Variants in ULK2 observed in about 807,000 individuals in gnomAD.
The protein encoded by ULK2 is serine/threonine-protein kinase ULK2.
In ULK2, 76 loss-of-function variants were observed where a neutral mutation model predicts 127.5. That is an observed-to-expected ratio of 0.60 (90% CI 0.50 to 0.72). ULK2 has a LOEUF of 0.72. Ranked by LOEUF, ULK2 falls within the 30% of genes least tolerant of loss-of-function variation. The pLI is 0.00. For missense variants in ULK2, 1,144 were observed against 1,295.9 expected (o/e 0.88, Z 1.80); for synonymous variants, 452 against 461.9 (o/e 0.98, Z 0.28).
chr17:19,801,381 T>C (rs2087393851), intron 16 of ULK2, among the ~76,000 whole-genome samples: 1 of 152,138 alleles, frequency 6.6e-6, no homozygotes, highest in Non-Finnish European at 1.5e-5. Flanking sequence ...GAGACCAGCC[T>C]GGGTAACATA....
intron 10 of ULK2, among the ~76,000 whole-genome samples, chr17:19,829,122 T>C (rs2041367855): frequency 6.6e-6 from 1 of 151,950 alleles, no homozygotes; most frequent in South Asian, 2.1e-4. Context: ...GACACAAATA[T>C]TTGAAAGCAA....
intron 20 of ULK2, among the ~76,000 whole-genome samples, 173 bp from the exon 21 acceptor site, chr17:19,786,259 T>C (rs2087029622): frequency 6.6e-6 from 1 of 152,130 alleles, no homozygotes; most frequent in Admixed American, 6.5e-5. Context: ...AATACAATAT[T>C]TTCATTAAAA....
In ULK2 at chr17:19,867,652, T is replaced by TGCCGCCG. The variant is rs2042384931; in HGVS notation, c.-242_-236dup. On this transcript the variant is annotated 5_prime_UTR_variant, in exon 1 of 27. Coordinates refer to ENST00000395544, the MANE Select transcript of ULK2 (RefSeq NM_014683.4). ...GGCCCCTGCCGCTCATGGCCCGGCC[T>TGCCGCCG]GCCGCCGGCCGCTGGCTGTCTGGCG... The TGCCGCCG allele has an allele frequency of 4.1e-6, 1 of 245,278 alleles. No homozygotes were observed. Among genetic ancestry groups the TGCCGCCG allele is most frequent in the Admixed American group, 5.6e-5 (1 of 17,914 alleles). 15.2% of individuals were successfully genotyped at this position (245,278 alleles called of 1,614,324 possible). A position where few individuals can be genotyped will look rare whatever the true frequency, so the allele number is the denominator to read the frequency against.
chr17:19,823,126 ATTTT>A (rs3884213), intron 12 of ULK2, among the ~76,000 whole-genome samples: 1 of 113,206 alleles, frequency 8.8e-6, no homozygotes, highest in East Asian at 2.7e-4. Flanking sequence ...ACGCCTGGCT[ATTTT>A]TTTTTTTTTT....
At chr17:19,848,789 A>C (rs190089464) in intron 5 of ULK2, among the ~76,000 whole-genome samples, 12 of 151,926 alleles carry the variant, frequency 7.9e-5, no homozygotes, top group Admixed American at 7.9e-4. Flanking sequence ...AAAAAAAAAA[A>C]GGAAAAAGAA....
At chr17:19,790,344 G>A (rs957326570) in intron 20 of ULK2, among the ~76,000 whole-genome samples, 1 of 152,192 alleles carries the variant, frequency 6.6e-6, no homozygotes, top group African/African-American at 2.4e-5. Flanking sequence ...TTGAACCCAG[G>A]AAGCAGAGGT....
intron 24 of ULK2, 110 bp from the exon 25 acceptor site, chr17:19,780,739 T>C (rs1186171475): frequency 8.0e-7 from 1 of 1,251,054 alleles, no homozygotes; most frequent in Non-Finnish European, 1.1e-6. Context: ...TATGTGATCA[T>C]TCAAAAAAAG....
intron 14 of ULK2, among the ~76,000 whole-genome samples, chr17:19,809,318 AG>A (rs1452164801): frequency 6.6e-6 from 1 of 152,240 alleles, no homozygotes; most frequent in Non-Finnish European, 1.5e-5. Flanking sequence ...ATAAAGTTTC[AG>A]ATTTGCAAAA....
chr17:19,821,339 T>C (rs1435915200), intron 12 of ULK2, among the ~76,000 whole-genome samples: 1 of 152,028 alleles, frequency 6.6e-6, no homozygotes, highest in East Asian at 1.9e-4. Flanking sequence ...ATATTCAAGA[T>C]TTACCATCTA....
At chr17:19,851,821 C>T (rs901713754) in intron 3 of ULK2, among the ~76,000 whole-genome samples, 2 of 151,268 alleles carry the variant, frequency 1.3e-5, no homozygotes, top group Non-Finnish European at 1.5e-5. Flanking sequence ...GTCAGGAGTT[C>T]GAGACCTCGA....
At chr17:19,803,281 A>G (rs1381262582) in intron 15 of ULK2, among the ~76,000 whole-genome samples, 1 of 152,188 alleles carries the variant, frequency 6.6e-6, no homozygotes, top group Admixed American at 6.5e-5. Flanking sequence ...TTATGTGTAC[A>G]TCTCACTCAA....
intron 2 of ULK2, 124 bp downstream of exon 2, chr17:19,865,612 G>T (rs1201760212): frequency 1.9e-6 from 1 of 532,608 alleles, no homozygotes; most frequent in East Asian, 3.6e-5. Flanking sequence ...CATGCAAAAA[G>T]GAGAGCAACA....
At chr17:19,794,649 G>C (rs1436961156) in intron 20 of ULK2, among the ~76,000 whole-genome samples, 9 of 151,816 alleles carry the variant, frequency 5.9e-5, no homozygotes, top group Non-Finnish European at 8.8e-5. Context: ...ATTCTCTTTG[G>C]ATTAGAAAGA....
intron 16 of ULK2, 120 bp downstream of exon 16, chr17:19,801,657 G>T: frequency 7.7e-7 from 1 of 1,302,700 alleles, no homozygotes; most frequent in Non-Finnish European, 1.1e-6. Flanking sequence ...ACGGGGTATG[G>T]CCTCCAATCA....
intron 17 of ULK2, among the ~76,000 whole-genome samples, chr17:19,798,543 C>CA (rs1189056195): frequency 6.6e-6 from 1 of 152,156 alleles, no homozygotes; most frequent in African/African-American, 2.4e-5. Flanking sequence ...AAACAGAAAC[C>CA]AACAGAAGCT....
In ULK2 at chr17:19,867,518, G is replaced by C. The variant is rs1027213315; in HGVS notation, c.-101C>G. The C allele has an allele frequency of 3.2e-4, 261 of 820,812 alleles. 1 individual carries two copies. The East Asian group carries it at 1.0e-2, about 31-fold the overall frequency. 50.8% of individuals were successfully genotyped at this position (820,812 alleles called of 1,614,324 possible). A position where few individuals can be genotyped will look rare whatever the true frequency, so the allele number is the denominator to read the frequency against. On this transcript the variant is annotated 5_prime_UTR_variant, in exon 1 of 27. Coordinates refer to ENST00000395544, the MANE Select transcript of ULK2 (RefSeq NM_014683.4). The stretch of plus-strand genomic sequence containing the variant: ...GGCCCGGAGCGCGCCAGCGTGCGGC[G>C]GGTCTGGGGCAGCCGCAGCCCCGGG...
In ULK2 at chr17:19,774,983, C is replaced by G. The variant is rs138495840; in HGVS notation, c.*1366G>C. The G allele has an allele frequency of 9.2e-4, 141 of 152,572 alleles. No homozygotes were observed. Among genetic ancestry groups the G allele is most frequent in the Non-Finnish European group, 1.5e-3 (102 of 67,996 alleles). The allele number at this position is 152,572 out of a possible 1,614,324, so 9.5% of individuals were successfully genotyped here. A position where few individuals can be genotyped will look rare whatever the true frequency, so the allele number is the denominator to read the frequency against. ...TAAGGTAAAAATTACATTACTTTGT[C>G]AAAGTAAAGGAAAACCATGTTTGTT... On this transcript the variant is annotated 3_prime_UTR_variant, in exon 27 of 27. Transcript: ENST00000395544.
At chr17:19,822,186 A>G (rs753874804) in intron 12 of ULK2, among the ~76,000 whole-genome samples, 8 of 150,252 alleles carry the variant, frequency 5.3e-5, no homozygotes, top group Non-Finnish European at 1.2e-4. Context: ...GGTTTTCACC[A>G]TGTTGGCCAG....
intron 10 of ULK2, among the ~76,000 whole-genome samples, chr17:19,833,195 GTTGCTATCTGTA>G (rs2041507141): frequency 6.7e-6 from 1 of 148,706 alleles, no homozygotes; most frequent in South Asian, 2.1e-4. Flanking sequence ...CAAATCTAAA[GTTGCTATCTGTA>G]TTGAACAAAA....
Sources: allele counts gnomAD v4.1 joint callset (sites outside exome capture counted in the v4.1 genomes callset), GRCh38; gene constraint gnomAD v4.1.1; transcripts MANE v1.5; gene names NCBI Gene and HGNC (gene_info 2026-07-23, HGNC 2026-07-21).